CDIN1: variants seen among roughly 807,000 people sequenced by gnomAD.
CDIN1 encodes the protein CDAN1 interacting nuclease 1.
Under a neutral mutation model 45.3 loss-of-function variants are expected in CDIN1, and 33 were observed. The ratio of observed to expected loss-of-function variants is 0.73; its 90% confidence interval spans 0.55 to 0.97. CDIN1 has a LOEUF of 0.97. CDIN1 is among the 50% of genes least tolerant of loss of function. The pLI, the probability that CDIN1 is intolerant of heterozygous loss-of-function variation, is 0.00. For missense variants in CDIN1, 303 were observed against 339.4 expected (o/e 0.89, Z 0.84); for synonymous variants, 118 against 124.4 (o/e 0.95, Z 0.34).
At chr15:36,769,144 C>T (rs1336131595) in intron 10 of CDIN1, among the ~76,000 whole-genome samples, 1 of 152,140 alleles carries the variant, frequency 6.6e-6, no homozygotes, top group Non-Finnish European at 1.5e-5. Flanking sequence ...CTTTGGTTAG[C>T]GCATTACATT....
Position 36,661,697 on chromosome 15 carries a change from G to A in CDIN1, c.346+3792G>A, listed in dbSNP as rs538570877. Among the ~76,000 whole-genome samples the A allele has an allele frequency of 7.2e-5, 11 of 152,190 alleles. No homozygotes were observed. The South Asian group carries it at 2.3e-3, about 32-fold the overall frequency. ...TATTGTTCAATGCTCCCTGATTTTA[G>A]CACAGGTCCTGCTCCCTATTAACTT... On this transcript the variant is annotated intron_variant, in intron 5 of 10. Transcript: ENST00000566621.
At chr15:36,780,038 C>T (rs972797387) in intron 10 of CDIN1, among the ~76,000 whole-genome samples, 2 of 151,970 alleles carry the variant, frequency 1.3e-5, no homozygotes, top group Admixed American at 6.5e-5. Flanking sequence ...TAGTCATTTA[C>T]GTTTAGAATG....
Position 36,579,722 on chromosome 15 carries a change from GGGGGGATTGGGGCA to G in CDIN1, c.-138_-125del. On this transcript the variant is annotated 5_prime_UTR_variant, in exon 1 of 11. Transcript: ENST00000566621. ...CTTTTGCAGCTAGGGGTGTGTTTCA[GGGGGGATTGGGGCA>G]AGCCAAGCAGGCGAGGACCCGGGCC... is the stretch of plus-strand genomic sequence containing the variant. 1 of 641,904 alleles carries G rather than the reference GGGGGGATTGGGGCA, an allele frequency of 1.6e-6. No homozygotes were observed. Among genetic ancestry groups the G allele is most frequent in the South Asian group, 2.0e-5 (1 of 51,234 alleles). The allele number at this position is 641,904 out of a possible 1,614,324, so 39.8% of individuals were successfully genotyped here.
intron 1 of CDIN1, chr15:36,626,606 G>T: frequency 3.4e-6 from 1 of 294,944 alleles, no homozygotes; most frequent in South Asian, 3.3e-5. Context: ...TGGATAAGGG[G>T]TCCAACTTCC....
intron 10 of CDIN1, among the ~76,000 whole-genome samples, chr15:36,735,184 T>C (rs2140922374): frequency 6.6e-6 from 1 of 152,328 alleles, no homozygotes; most frequent in African/African-American, 2.4e-5. Context: ...TTTGCATGTG[T>C]GTTGTATAAT....
At chr15:36,609,684 A>G (rs897505023) in intron 1 of CDIN1, among the ~76,000 whole-genome samples, 1 of 152,214 alleles carries the variant, frequency 6.6e-6, no homozygotes, top group Non-Finnish European at 1.5e-5. Flanking sequence ...GGGCCAGAAG[A>G]TACTGGCCTG....
intron 7 of CDIN1, among the ~76,000 whole-genome samples, chr15:36,693,990 T>C (rs775729343): frequency 2.0e-5 from 3 of 152,258 alleles, no homozygotes; most frequent in Non-Finnish European, 4.4e-5. Context: ...ATAAATTACA[T>C]TCACCGACTA....
intron 5 of CDIN1, chr15:36,668,973 T>A (rs1306202636): frequency 2.0e-5 from 3 of 152,158 alleles, no homozygotes; most frequent in African/African-American, 4.8e-5. Flanking sequence ...CAACAAATAC[T>A]TACACTTGAG....
intron 5 of CDIN1, chr15:36,691,248 A>G (rs376869908): frequency 7.8e-6 from 4 of 513,588 alleles, no homozygotes; most frequent in African/African-American, 5.8e-5. Context: ...GCATATGTAT[A>G]TGAAGAGTTT....
At chr15:36,804,314 T>C (rs1328402168) in intron 10 of CDIN1, among the ~76,000 whole-genome samples, 2 of 152,146 alleles carry the variant, frequency 1.3e-5, no homozygotes, top group Non-Finnish European at 2.9e-5. Flanking sequence ...CTCACTCTGG[T>C]CATTAATAAA....
At chr15:36,752,813 T>C (rs2053510074) in intron 10 of CDIN1, among the ~76,000 whole-genome samples, 2 of 152,192 alleles carry the variant, frequency 1.3e-5, no homozygotes, top group African/African-American at 4.8e-5. Flanking sequence ...AGGGTATGTA[T>C]CTAAAAACGC....
intron 1 of CDIN1, among the ~76,000 whole-genome samples, chr15:36,631,232 ATCT>A (rs760624282): frequency 2.4e-4 from 36 of 152,126 alleles, no homozygotes; most frequent in Non-Finnish European, 4.3e-4. Context: ...CATAATTTTG[ATCT>A]TCTATTTTTT....
chr15:36,682,367 C>T (rs761459397), intron 5 of CDIN1, among the ~76,000 whole-genome samples: 1 of 152,070 alleles, frequency 6.6e-6, no homozygotes, highest in Non-Finnish European at 1.5e-5. Flanking sequence ...TAGTTCTAGT[C>T]GGTCCTTCAA....
chr15:36,639,882 A>C (rs780898749), intron 1 of CDIN1, among the ~76,000 whole-genome samples: 10 of 152,154 alleles, frequency 6.6e-5, no homozygotes, highest in Non-Finnish European at 1.0e-4. Context: ...TACTAAGCTT[A>C]ATGTTGCCAT....
intron 8 of CDIN1, chr15:36,708,257 A>G (rs1158564524): frequency 6.6e-6 from 1 of 152,120 alleles, no homozygotes; most frequent in East Asian, 1.9e-4. Flanking sequence ...GACAATGTCA[A>G]CAGCCCAGTA....
chr15:36,741,214 T>G (rs1480297425), intron 10 of CDIN1, among the ~76,000 whole-genome samples: 1 of 152,180 alleles, frequency 6.6e-6, no homozygotes, highest in Non-Finnish European at 1.5e-5. Context: ...ACCACCCTGA[T>G]GCATGACCTC....
At chr15:36,692,616 A>G (rs2042295865) in intron 7 of CDIN1, among the ~76,000 whole-genome samples, 1 of 152,234 alleles carries the variant, frequency 6.6e-6, no homozygotes, top group African/African-American at 2.4e-5. Flanking sequence ...GCTTCCAGAG[A>G]CATCACATTT....
At chr15:36,700,700 C>CT (rs893362267) in intron 8 of CDIN1, among the ~76,000 whole-genome samples, 22 of 146,048 alleles carry the variant, frequency 1.5e-4, no homozygotes, top group South Asian at 4.4e-4. Context: ...AAGAACCAAA[C>CT]TTTTTTTTTT....
rs1313451671 is a variant in CDIN1 at position 36,655,580 on chromosome 15, C to T, written c.273+1422C>T. ...GACCTTGTGGTCCACCTGCTTTGGC[C>T]TCCCAAAGTGCTTGGATTACAGGCG... is the stretch of plus-strand genomic sequence containing the variant. On this transcript the variant is annotated intron_variant, in intron 4 of 10. Transcript: ENST00000566621. 2.6e-5 allele frequency among the ~76,000 whole-genome samples: 4 copies of T among 152,164 alleles called. No individual in the cohort carries two copies. The South Asian group carries it at 6.2e-4, about 24-fold the overall frequency.
Sources: gnomAD v4.1 joint callset for allele counts (sites outside exome capture counted in the v4.1 genomes callset) on GRCh38, gnomAD v4.1.1 for gene constraint, MANE v1.5 for transcripts, NCBI Gene and HGNC (gene_info 2026-07-23, HGNC 2026-07-21) for gene names.